The following KDM2B variants were observed in gnomAD, a reference collection of about 807,000 sequenced individuals.
KDM2B encodes lysine-specific demethylase 2B.
Under a neutral mutation model 150.0 loss-of-function variants are expected in KDM2B, and 26 were observed. The ratio of observed to expected loss-of-function variants is 0.17; its 90% confidence interval spans 0.13 to 0.24. The LOEUF (loss-of-function observed/expected upper bound fraction) is 0.24, where lower values mean the gene tolerates loss of function less well. KDM2B is among the 10% of genes least tolerant of loss of function. KDM2B has a pLI of 1.00. For synonymous variants in KDM2B, 734 were observed against 729.5 expected (o/e 1.01, Z -0.10); for missense variants, 1,265 against 1,816.9 (o/e 0.70, Z 5.52).
At chr12:121,455,905 C>T (rs1167304480) in intron 12 of KDM2B, among the ~76,000 whole-genome samples, 1 of 152,208 alleles carries the variant, frequency 6.6e-6, no homozygotes, top group Non-Finnish European at 1.5e-5. Flanking sequence ...GAGAATGGCA[C>T]AGAGCAGACT....
chr12:121,534,172 AC>A (rs1171826212), intron 7 of KDM2B, among the ~76,000 whole-genome samples: 1 of 152,080 alleles, frequency 6.6e-6, no homozygotes, highest in African/African-American at 2.4e-5. Context: ...ACACGGTGAA[AC>A]CCCGTCTCTA....
chr12:121,460,454 A>C (rs1411797618), intron 12 of KDM2B, among the ~76,000 whole-genome samples: 1 of 152,248 alleles, frequency 6.6e-6, no homozygotes, highest in Admixed American at 6.5e-5. Flanking sequence ...GCTGGAGTGC[A>C]GTGGCGTGAT....
intron 13 of KDM2B, among the ~76,000 whole-genome samples, chr12:121,451,261 C>T (rs1351019907): frequency 6.6e-6 from 1 of 152,094 alleles, no homozygotes; most frequent in Non-Finnish European, 1.5e-5. Flanking sequence ...AATATATTTT[C>T]CTTATGATCT....
chr12:121,446,124 G>A (rs150793048), intron 13 of KDM2B, among the ~76,000 whole-genome samples: 265 of 152,156 alleles, frequency 1.7e-3, no homozygotes, highest in Non-Finnish European at 2.9e-3. Context: ...GGCCGGGCGC[G>A]GTGGCTCACG....
intron 22 of KDM2B, among the ~76,000 whole-genome samples, chr12:121,434,075 G>A (rs1873526816): frequency 1.3e-5 from 2 of 152,278 alleles, no homozygotes; most frequent in South Asian, 4.1e-4. Context: ...AACTACACAG[G>A]AGGCTGAGGT....
In KDM2B at chr12:121,442,425, G is replaced by C; in HGVS notation, c.3016C>G (p.Arg1006Gly). 2 of 1,597,922 alleles carry C rather than the reference G, an allele frequency of 1.3e-6. No homozygotes were observed. The highest frequency in any genetic ancestry group is 1.7e-6 in the Non-Finnish European group (2 of 1,177,500). Reference protein sequence around the residue: ...RFSKGLNGTPRELRHQLGPSL... With the variant: ...RFSKGLNGTPGELRHQLGPSL... ...GGCCCCAGCTGGTGCCGCAGCTCCCGGGGGGTGCCGTTGAGCCCCTTGCTG... is the reference window on the plus strand; with the variant it reads ...GGCCCCAGCTGGTGCCGCAGCTCCCCGGGGGTGCCGTTGAGCCCCTTGCTG... Residue 1006 changes from arginine (R) to glycine (G), a missense_variant, in exon 19 of 23, where the codon CGG becomes GGG. This residue lies in a region of KDM2B where 418 missense variants were observed against 402.4 expected (regional missense o/e 1.04). Coordinates refer to ENST00000377071, the MANE Select transcript of KDM2B (RefSeq NM_032590.5). This position sits in a 1 kb window ranked among gnomAD's most constrained non-coding sequence, Gnocchi z 7.7.
chr12:121,567,416 A>T (rs1471435469), intron 4 of KDM2B, among the ~76,000 whole-genome samples: 1 of 152,172 alleles, frequency 6.6e-6, no homozygotes, highest in African/African-American at 2.4e-5. Context: ...TCCTTATAAG[A>T]AGAGTTTAGG....
chr12:121,567,560 A>C (rs532631642), intron 4 of KDM2B, among the ~76,000 whole-genome samples: 39 of 152,294 alleles, frequency 2.6e-4, no homozygotes, highest in African/African-American at 8.9e-4. Context: ...AGAATAGTTT[A>C]GGACAGACAT....
chr12:121,484,847 AAAAT>A (rs1423203873), intron 12 of KDM2B, among the ~76,000 whole-genome samples: 2 of 152,162 alleles, frequency 1.3e-5, no homozygotes, highest in African/African-American at 4.8e-5. Flanking sequence ...TTAAAAAATA[AAAAT>A]AAATAAAGAA....
rs983272621 is a variant in KDM2B, at chr12:121,516,714, C to G, written c.1048-3312G>C. On this transcript the variant is annotated intron_variant, in intron 9 of 22. Transcript: ENST00000377071. ...TCAGCGGCACCTGGCCTCAGCCCTT[C>G]CTCGGAGGTCCAAGTCATCTTCAAG... is the stretch of plus-strand genomic sequence containing the variant. 155 of 629,736 alleles carry G rather than the reference C, an allele frequency of 2.5e-4. No homozygotes were observed. The African/African-American group carries it at 2.6e-3, about 10-fold the overall frequency. The allele number at this position is 629,736 out of a possible 1,614,324, so 39.0% of individuals were successfully genotyped here. A position where few individuals can be genotyped will look rare whatever the true frequency, so the allele number is the denominator to read the frequency against.
downstream of KDM2B, among the ~76,000 whole-genome samples, chr12:121,426,683 T>C (rs1365237338): frequency 4.7e-5 from 7 of 149,162 alleles, no homozygotes; most frequent in East Asian, 1.4e-3. Context: ...TGAAGTTCAA[T>C]GGTGCAATCT....
At position 121,509,799 on chromosome 12, in the gene KDM2B, G is replaced by C. The variant is rs781867611; in HGVS notation, c.1415C>G (p.Thr472Ser). The C allele has an allele frequency of 3.1e-6, 5 of 1,614,162 alleles. No homozygotes were observed. Among genetic ancestry groups the C allele is most frequent in the Non-Finnish European group, 3.4e-6 (4 of 1,180,050 alleles). Residue 472 changes from threonine to serine, a missense_variant, in exon 11 of 23, where the codon ACT becomes AGT. Coordinates refer to ENST00000377071, the MANE Select transcript of KDM2B (RefSeq NM_032590.5). ...KAPALRFLKR[T>S]LSNESEESVK... ...ACTTTCCTCCGACTCATTAGACAAAGTCCTTTTGAGGAATCGCAGGGCAGG... is the reference window on the plus strand; with the variant it reads ...ACTTTCCTCCGACTCATTAGACAAACTCCTTTTGAGGAATCGCAGGGCAGG...
the KDM2B span, chr12:121,423,586 C>T: frequency 6.2e-7 from 1 of 1,610,118 alleles, no homozygotes; most frequent in Non-Finnish European, 8.5e-7. The surrounding 1 kb of genome is among the most constrained non-coding windows in gnomAD (Gnocchi z 4.3). Context: ...AAACAGGCTC[C>T]CCTCACCAGG....
chr12:121,484,292 G>T (rs1882502827), intron 12 of KDM2B, among the ~76,000 whole-genome samples: 1 of 152,174 alleles, frequency 6.6e-6, no homozygotes, highest in African/African-American at 2.4e-5. Flanking sequence ...GAGGGAACTG[G>T]GTTGGGGCTG....
intron 12 of KDM2B, among the ~76,000 whole-genome samples, chr12:121,456,537 T>C (rs1555292798): frequency 6.6e-6 from 1 of 151,838 alleles, no homozygotes; most frequent in Non-Finnish European, 1.5e-5. Flanking sequence ...CAAAACCAGA[T>C]CCCCGGAGCT....
downstream of KDM2B, among the ~76,000 whole-genome samples, chr12:121,425,298 C>T (rs1035196962): frequency 6.4e-4 from 87 of 136,908 alleles, 1 homozygote; most frequent in Admixed American, 3.1e-3. Flanking sequence ...ACGAGCGAAA[C>T]TCCGTCTCAA....
chr12:121,439,837 G>C lies in KDM2B; in HGVS notation c.3829+20C>G, dbSNP rs782331183. Reference sequence around the variant, plus strand: ...CTCCCACGGAGTGTTAGGCAGACCCGATGGGGGCCCCTGACTCACCAGACA... The same window carrying C: ...CTCCCACGGAGTGTTAGGCAGACCCCATGGGGGCCCCTGACTCACCAGACA... On this transcript the variant is annotated intron_variant, in intron 22 of 22. Coordinates refer to ENST00000377071, the MANE Select transcript of KDM2B (RefSeq NM_032590.5). 6.2e-7 allele frequency: 1 copy of C among 1,605,366 alleles called. No homozygotes were observed. Among genetic ancestry groups the C allele is most frequent in the South Asian group, 1.1e-5 (1 of 90,826 alleles).
intron 4 of KDM2B, among the ~76,000 whole-genome samples, chr12:121,553,488 G>A (rs186332819): frequency 3.9e-5 from 6 of 152,294 alleles, no homozygotes; most frequent in African/African-American, 1.4e-4. Context: ...AGAGGGTTCG[G>A]TTCCCAGCGG....
intron 11 of KDM2B, among the ~76,000 whole-genome samples, chr12:121,503,426 G>A (rs766174236): frequency 2.0e-4 from 31 of 152,172 alleles, no homozygotes; most frequent in African/African-American, 4.1e-4. Flanking sequence ...AAGTAGCTGG[G>A]ACTACAGGCG....
Sources: gnomAD v4.1 joint callset for allele counts (sites outside exome capture counted in the v4.1 genomes callset) on GRCh38, gnomAD v4.1.1 for gene constraint, gnomAD v4.1.1 regional missense constraint, Gnocchi (gnomAD v3.1) non-coding constraint, MANE v1.5 for transcripts, NCBI Gene and HGNC (gene_info 2026-07-23, HGNC 2026-07-21) for gene names.